VPS13B: variants seen among roughly 807,000 people sequenced by gnomAD.
The protein encoded by VPS13B is intermembrane lipid transfer protein VPS13B.
VPS13B carries 285 observed loss-of-function variants against 426.4 expected under a neutral mutation model. The ratio of observed to expected loss-of-function variants is 0.67; its 90% confidence interval spans 0.61 to 0.74. VPS13B has a LOEUF of 0.74. Among genes scored for constraint, VPS13B ranks in the 30% least tolerant of loss-of-function variants. The probability of loss-of-function intolerance (pLI) is 0.00; values close to 1 mark genes in which losing one functional copy is unlikely to be tolerated. For missense variants in VPS13B, 4,537 were observed against 4,782.6 expected (o/e 0.95, Z 1.51); for synonymous variants, 1,676 against 1,676.4 (o/e 1.00, Z 0.01).
Position 99,481,592 on chromosome 8 carries a change from C to T in VPS13B, c.3667-7C>T, listed in dbSNP as rs35543295. The T allele has an allele frequency of 0.048, 76,889 of 1,612,754 alleles. 2,228 individuals are homozygous for T. Among genetic ancestry groups the T allele is most frequent in the Middle Eastern group, 0.11 (641 of 5,870 alleles). On this transcript the variant is annotated splice_polypyrimidine_tract_variant and splice_region_variant and intron_variant, in intron 24 of 61. Coordinates refer to ENST00000357162, the MANE Select transcript of VPS13B (RefSeq NM_152564.5). Reference sequence around the variant, plus strand: ...TTGTTTTCTTTTCTTTTTTCTTATGCTCTCAGGTCCAGCTCTTCTATGAAC... The same window carrying T: ...TTGTTTTCTTTTCTTTTTTCTTATGTTCTCAGGTCCAGCTCTTCTATGAAC...
chr8:99,258,431 C>T (rs770132155), intron 17 of VPS13B, among the ~76,000 whole-genome samples: 1 of 151,940 alleles, frequency 6.6e-6, no homozygotes, highest in African/African-American at 2.4e-5. Context: ...ATCGGTATCA[C>T]AACAATAATT....
At position 99,121,392 on chromosome 8, in the gene VPS13B, G is replaced by C; in HGVS notation, c.1153G>C (p.Asp385His). The change falls in exon 8 of 62, where the codon GAT becomes CAT. Residue 385 changes from aspartate to histidine, a missense_variant. Asp to His is a moderately conservative substitution (Grantham distance 81, BLOSUM62 -1). Around this residue, in one of 2 missense-constraint regions of VPS13B, gnomAD observed 4,311 missense variants for 4,474.3 expected, o/e 0.96. Coordinates refer to ENST00000357162, the MANE Select transcript of VPS13B (RefSeq NM_152564.5). ...TCAACAAAAAGCACAGACTTTGAAG[G>C]ATCCTATTGTTTCTATAGGATTTTA... ...MHQQKAQTLK[D>H]PIVSIGFYCT... 1 of 1,614,152 alleles carries C rather than the reference G, an allele frequency of 6.2e-7. No individual in the cohort carries two copies. The highest frequency in any genetic ancestry group is 1.1e-5 in the South Asian group (1 of 91,078).
intron 31 of VPS13B, among the ~76,000 whole-genome samples, chr8:99,570,574 G>GT (rs1048803867): frequency 1.3e-5 from 2 of 149,950 alleles, no homozygotes; most frequent in African/African-American, 4.9e-5. Flanking sequence ...TTTTTCTTAT[G>GT]TTTTTTTAAT....
intron 35 of VPS13B, among the ~76,000 whole-genome samples, chr8:99,673,514 C>G (rs1588612154): frequency 1.3e-5 from 2 of 151,934 alleles, no homozygotes; most frequent in South Asian, 4.1e-4. Flanking sequence ...TGTTCTTAGT[C>G]TAGCTAAAGG....
At chr8:99,408,931 A>G (rs1461435645) in intron 21 of VPS13B, among the ~76,000 whole-genome samples, 3 of 152,206 alleles carry the variant, frequency 2.0e-5, no homozygotes, top group Non-Finnish European at 2.9e-5. Flanking sequence ...GAAATGATCA[A>G]CTTTTTCAGA....
At chr8:99,580,984 AACACACACACACACACACACACAC>A (rs34074519) in intron 33 of VPS13B, among the ~76,000 whole-genome samples, 1 of 126,620 alleles carries the variant, frequency 7.9e-6, no homozygotes. Context: ...ATCTCTACAA[AACACACACACACACACACACACAC>A]ACACACACAC....
chr8:99,700,421 A>G (rs1832218708), intron 36 of VPS13B, among the ~76,000 whole-genome samples: 1 of 152,260 alleles, frequency 6.6e-6, no homozygotes, highest in Non-Finnish European at 1.5e-5. Context: ...ATTCTGATGC[A>G]CAGCATTAAG....
At chr8:99,271,245 C>T (rs1563639186) in intron 17 of VPS13B, among the ~76,000 whole-genome samples, 1 of 146,102 alleles carries the variant, frequency 6.8e-6, no homozygotes, top group East Asian at 1.9e-4. Flanking sequence ...ACTACTACTA[C>T]TACGATGATG....
At chr8:99,748,801 T>C (rs1326585122) in intron 39 of VPS13B, among the ~76,000 whole-genome samples, 2 of 152,074 alleles carry the variant, frequency 1.3e-5, no homozygotes, top group East Asian at 1.9e-4. Context: ...TTTCCTTTCC[T>C]ATTAAACTAT....
At chr8:99,085,851 C>G (rs1845751589) in intron 3 of VPS13B, among the ~76,000 whole-genome samples, 1 of 152,164 alleles carries the variant, frequency 6.6e-6, no homozygotes, top group South Asian at 2.1e-4. Flanking sequence ...TTGTGGGTAA[C>G]CCGACCTTTC....
At chr8:99,803,780 G>A (rs1813254735) in intron 43 of VPS13B, among the ~76,000 whole-genome samples, 1 of 152,140 alleles carries the variant, frequency 6.6e-6, no homozygotes, top group African/African-American at 2.4e-5. Context: ...TGTACTATCA[G>A]TTCCACTTAG....
chr8:99,015,693 G>A (rs1841577992), intron 2 of VPS13B, among the ~76,000 whole-genome samples: 1 of 151,824 alleles, frequency 6.6e-6, no homozygotes, highest in Admixed American at 6.6e-5. Flanking sequence ...CATGAGGTCA[G>A]GAGTTCGAGA....
intron 21 of VPS13B, among the ~76,000 whole-genome samples, chr8:99,416,262 G>T (rs542882935): frequency 6.6e-6 from 1 of 152,006 alleles, no homozygotes; most frequent in East Asian, 1.9e-4. Flanking sequence ...GGATGCCCCC[G>T]CCCCCCCACC....
In VPS13B at chr8:99,821,314, A is replaced by G; in HGVS notation, c.9015A>G (p.Ile3005Met). 6.2e-7 allele frequency: 1 copy of G among 1,613,744 alleles called. No homozygotes were observed. The highest frequency in any genetic ancestry group is 2.2e-5 in the East Asian group (1 of 44,850). ...PNFQEAFQIG[I>M]YWANTNTVHK... The stretch of plus-strand genomic sequence containing the variant: ...TCCAGGAAGCTTTTCAAATTGGAAT[A>G]TACTGGGCAAATACAAACACTGTGC... The change falls in exon 50 of 62, where the codon ATA becomes ATG. Residue 3005 changes from isoleucine (I) to methionine (M), a missense_variant. Ile to Met is a conservative substitution (Grantham distance 10). Transcript: ENST00000357162.
intron 33 of VPS13B, among the ~76,000 whole-genome samples, chr8:99,582,695 T>A (rs558568932): frequency 1.3e-5 from 2 of 152,040 alleles, no homozygotes; most frequent in African/African-American, 2.4e-5. Flanking sequence ...TCGCTCTGTC[T>A]CCCAGGCAGG....
intron 23 of VPS13B, among the ~76,000 whole-genome samples, chr8:99,458,647 A>G (rs1563741303): frequency 6.6e-6 from 1 of 152,030 alleles, no homozygotes; most frequent in African/African-American, 2.4e-5. Flanking sequence ...TGTGGTTTTG[A>G]TTTGCACTTC....
chr8:99,526,949 A>T (rs1431750042), intron 30 of VPS13B, among the ~76,000 whole-genome samples: 1 of 152,178 alleles, frequency 6.6e-6, no homozygotes, highest in Non-Finnish European at 1.5e-5. Flanking sequence ...ACTGTGTTAT[A>T]CTGATATGCC....
intron 11 of VPS13B, 61 bp from the exon 12 acceptor site, chr8:99,136,604 C>G: frequency 6.4e-7 from 1 of 1,555,638 alleles, no homozygotes; most frequent in Middle Eastern, 1.7e-4. Context: ...ACCTATCAAG[C>G]TTTAAACTCA....
rs142850229 is a variant in VPS13B at position 99,699,550 on chromosome 8, G to A, written c.6072G>A (p.Lys2024=). ...GPADVNLDIS[K]PLKANLSFTK... ...CGGATGTCAATTTGGATATATCAAA[G>A]CCTTTGAAAGCAAACCTGAGTTTCA... The change falls in exon 36 of 62, where the codon AAG becomes AAA. Residue 2024 remains lysine (K), a synonymous_variant. Transcript: ENST00000357162. 1.1e-4 allele frequency: 178 copies of A among 1,613,716 alleles called. 2 individuals carry two copies. The highest frequency in any genetic ancestry group is 1.2e-5 in the Non-Finnish European group (14 of 1,180,010).
Sources: allele counts gnomAD v4.1 joint callset (sites outside exome capture counted in the v4.1 genomes callset), GRCh38; gene constraint gnomAD v4.1.1; regional missense constraint gnomAD v4.1.1; transcripts MANE v1.5; gene names NCBI Gene and HGNC (gene_info 2026-07-23, HGNC 2026-07-21).